The following PXDNL variants were observed in gnomAD, a reference collection of about 807,000 sequenced individuals.
PXDNL encodes probable oxidoreductase PXDNL.
In PXDNL, 145 loss-of-function variants were observed where a neutral mutation model predicts 150.8. That is an observed-to-expected ratio of 0.96 (90% CI 0.84 to 1.10). The LOEUF is 1.10. Among genes scored for constraint, PXDNL ranks in the 50% least tolerant of loss-of-function variants. PXDNL has a pLI of 0.00. For missense variants in PXDNL, 2,087 were observed against 1,873.9 expected (o/e 1.11, Z -2.10); for synonymous variants, 757 against 725.7 (o/e 1.04, Z -0.69).
intron 5 of PXDNL, among the ~76,000 whole-genome samples, chr8:51,484,704 G>A (rs1472231805): frequency 6.6e-6 from 1 of 152,158 alleles, no homozygotes; most frequent in Non-Finnish European, 1.5e-5. Context: ...GAAGGTGGCG[G>A]GAGTAGGAGA....
chr8:51,344,815 A>G (rs565565702), intron 20 of PXDNL, among the ~76,000 whole-genome samples: 54 of 152,320 alleles, frequency 3.5e-4, no homozygotes, highest in Middle Eastern at 3.4e-3. Context: ...TAGGTATTAC[A>G]TGCCCATTTT....
intron 2 of PXDNL, among the ~76,000 whole-genome samples, chr8:51,642,319 A>G (rs1255432020): frequency 6.6e-6 from 1 of 152,118 alleles, no homozygotes; most frequent in Non-Finnish European, 1.5e-5. Context: ...TAACTAACCC[A>G]CACATTGTGC....
intron 3 of PXDNL, among the ~76,000 whole-genome samples, chr8:51,569,178 A>G (rs1451144752): frequency 1.3e-5 from 2 of 151,930 alleles, no homozygotes; most frequent in Non-Finnish European, 2.9e-5. Context: ...AAAAGGTGGA[A>G]ATGACGTATC....
In PXDNL at chr8:51,801,232, G is replaced by T. The variant is rs150328740; in HGVS notation, c.164+7949C>A. Reference sequence around the variant, plus strand: ...GGACTGAAATACGCCCTGGTCTCCTGCAGTACCCTCAGGCTTATTAGGGTG... The same window carrying T: ...GGACTGAAATACGCCCTGGTCTCCTTCAGTACCCTCAGGCTTATTAGGGTG... On this transcript the variant is annotated intron_variant, in intron 1 of 22. Coordinates refer to ENST00000356297, the MANE Select transcript of PXDNL (RefSeq NM_144651.5). Among the ~76,000 whole-genome samples the T allele has an allele frequency of 3.9e-3, 588 of 152,204 alleles. 6 individuals carry two copies. Among genetic ancestry groups the T allele is most frequent in the African/African-American group, 0.014 (566 of 41,514 alleles).
intron 7 of PXDNL, among the ~76,000 whole-genome samples, chr8:51,474,083 T>C (rs184354703): frequency 7.2e-5 from 11 of 152,308 alleles, no homozygotes; most frequent in Admixed American, 3.3e-4. Context: ...AATTTTCTTG[T>C]CAATTTGAAT....
chr8:51,448,000 G>A (rs1336266903), intron 11 of PXDNL, among the ~76,000 whole-genome samples: 1 of 152,200 alleles, frequency 6.6e-6, no homozygotes, highest in African/African-American at 2.4e-5. Flanking sequence ...ATGGAGGAGT[G>A]GAGATGTGAG....
chr8:51,379,047 C>T (rs748513083), intron 17 of PXDNL, among the ~76,000 whole-genome samples: 3 of 152,180 alleles, frequency 2.0e-5, no homozygotes, highest in Non-Finnish European at 4.4e-5. Flanking sequence ...TAGGACTCCC[C>T]AGCCTTTTCT....
chr8:51,745,345 A>G (rs1473850882), intron 1 of PXDNL, among the ~76,000 whole-genome samples: 1 of 152,260 alleles, frequency 6.6e-6, no homozygotes, highest in Admixed American at 6.5e-5. Flanking sequence ...CAAAACAAAT[A>G]GAAGAAAGTC....
chr8:51,355,795 C>T (rs1359667860), intron 19 of PXDNL, among the ~76,000 whole-genome samples: 1 of 152,158 alleles, frequency 6.6e-6, no homozygotes, highest in African/African-American at 2.4e-5. Context: ...CAGTATTATG[C>T]AAAGACTCTT....
chr8:51,531,428 G>A (rs1025767480), intron 4 of PXDNL, among the ~76,000 whole-genome samples: 6 of 152,150 alleles, frequency 3.9e-5, no homozygotes, highest in East Asian at 1.9e-4. Context: ...TAACCTGTCC[G>A]CCAGCCATCA....
In PXDNL at chr8:51,536,498, C is replaced by T. The variant is rs970949959; in HGVS notation, c.380+20342G>A. On this transcript the variant is annotated intron_variant, in intron 4 of 22. Transcript: ENST00000356297. ...GCTGAAATGAAAAAGGTAATGAAGGCGTGGAGGGGAAAAGCAAAAGAGAAT... is the reference window on the plus strand; with the variant it reads ...GCTGAAATGAAAAAGGTAATGAAGGTGTGGAGGGGAAAAGCAAAAGAGAAT... 2.6e-5 allele frequency among the ~76,000 whole-genome samples: 4 copies of T among 152,022 alleles called. No homozygotes were observed. In the East Asian group the frequency reaches 5.8e-4, roughly 22 times the overall value.
At chr8:51,744,917 GGAAA>G (rs1224814169) in intron 1 of PXDNL, among the ~76,000 whole-genome samples, 53 of 108,142 alleles carry the variant, frequency 4.9e-4, no homozygotes, top group African/African-American at 2.0e-3. Flanking sequence ...AAGGAAGGAA[GGAAA>G]GAAAGAAAAA....
At chr8:51,386,826 A>G (rs1807731210) in intron 17 of PXDNL, among the ~76,000 whole-genome samples, 1 of 148,916 alleles carries the variant, frequency 6.7e-6, no homozygotes, top group Non-Finnish European at 1.5e-5. Context: ...TTCATCTTGA[A>G]AAAAAAAAAA....
intron 1 of PXDNL, among the ~76,000 whole-genome samples, chr8:51,693,283 T>C (rs1369194185): frequency 1.3e-5 from 2 of 152,180 alleles, no homozygotes; most frequent in East Asian, 1.9e-4. Context: ...TGGTAAAGAA[T>C]GTACTGAAGA....
intron 19 of PXDNL, among the ~76,000 whole-genome samples, chr8:51,362,624 G>A (rs1437568711): frequency 6.6e-6 from 1 of 151,980 alleles, no homozygotes; most frequent in African/African-American, 2.4e-5. Context: ...TAGGTCTAAA[G>A]TCTTAGCTCT....
At chr8:51,405,853 C>T (rs1221771869) in intron 17 of PXDNL, among the ~76,000 whole-genome samples, 1 of 152,214 alleles carries the variant, frequency 6.6e-6, no homozygotes, top group Non-Finnish European at 1.5e-5. Context: ...ATGCCAAGCA[C>T]CAGGCTGCAT....
chr8:51,744,088 AGGAAG>A (rs1463638451), intron 1 of PXDNL, among the ~76,000 whole-genome samples: 1 of 120,400 alleles, frequency 8.3e-6, no homozygotes, highest in Admixed American at 8.3e-5. Context: ...GAAGGAAGGA[AGGAAG>A]GAAAGAAAGA....
rs574313830 is a variant in PXDNL at position 51,511,983 on chromosome 8, G to A, written c.381-12213C>T. Among the ~76,000 whole-genome samples the A allele has an allele frequency of 2.0e-5, 3 of 152,260 alleles. No individual in the cohort carries two copies. In the South Asian group the frequency reaches 6.2e-4, roughly 32 times the overall value. On this transcript the variant is annotated intron_variant, in intron 4 of 22. Transcript: ENST00000356297. ...TTCAGTTGAATTTTTAAAAGCAAAG[G>A]AATGGCTGCCTGCTCTGACATCTCC...
intron 17 of PXDNL, among the ~76,000 whole-genome samples, chr8:51,405,033 G>A (rs1352059701): frequency 6.6e-6 from 1 of 152,158 alleles, no homozygotes; most frequent in Non-Finnish European, 1.5e-5. Flanking sequence ...CGCACCCTCC[G>A]CAGCTGCTGG....
Sources: gnomAD v4.1 joint callset for allele counts (sites outside exome capture counted in the v4.1 genomes callset) on GRCh38, gnomAD v4.1.1 for gene constraint, MANE v1.5 for transcripts, NCBI Gene and HGNC (gene_info 2026-07-23, HGNC 2026-07-21) for gene names.